Variants in CTPS2 observed in about 807,000 individuals in gnomAD.
CTPS2 encodes CTP synthase II.
In CTPS2, 19 loss-of-function variants were observed where a neutral mutation model predicts 46.8. The ratio of observed to expected loss-of-function variants is 0.41; its 90% CI spans 0.28 to 0.60. The LOEUF (loss-of-function observed/expected upper bound fraction) is 0.60. CTPS2 is among the 20% of genes least tolerant of loss of function. CTPS2 has a pLI of 0.35. For synonymous variants in CTPS2, 151 were observed against 165.2 expected, an observed-to-expected ratio of 0.91 and a Z score of 0.66; for missense variants, 286 against 447.6, an observed-to-expected ratio of 0.64 and a Z score of 3.26.
At chrX:16,593,371 A>G (rs764781381) in intron 17 of CTPS2, among the ~76,000 whole-genome samples, 83 of 103,559 alleles carry the variant, frequency 8.0e-4, no homozygotes, top group African/African-American at 2.5e-3. Context: ...GGAGCTTGCA[A>G]CGAGCCAAGA....
chrX:16,653,919 T>C (rs1932760774), intron 13 of CTPS2, among the ~76,000 whole-genome samples: 1 of 110,934 alleles, frequency 9.0e-6, no homozygotes, highest in Non-Finnish European at 1.9e-5. Flanking sequence ...ATCTCCCTCA[T>C]AGGGTGGTCG....
chrX:16,650,700 C>T (rs1170975011), intron 13 of CTPS2, among the ~76,000 whole-genome samples: 1 of 108,878 alleles, frequency 9.2e-6, no homozygotes. Flanking sequence ...GAGACAGGGT[C>T]TCACCATGTT....
At chrX:16,679,123 C>T (rs1409181873) in intron 9 of CTPS2, among the ~76,000 whole-genome samples, 4 of 110,814 alleles carry the variant, frequency 3.6e-5, no homozygotes, top group African/African-American at 9.8e-5. Context: ...TTTGGGAGGC[C>T]GAGGTGGGCA....
At chrX:16,646,592 T>C (rs1932332551) in intron 13 of CTPS2, among the ~76,000 whole-genome samples, 1 of 112,434 alleles carries the variant, frequency 8.9e-6, no homozygotes, top group Admixed American at 9.4e-5. Flanking sequence ...CCAGGTCAGG[T>C]GACAAGCAAG....
At chrX:16,633,345 GC>G (rs1931584323) in intron 14 of CTPS2, among the ~76,000 whole-genome samples, 1 of 111,239 alleles carries the variant, frequency 9.0e-6, no homozygotes, top group Non-Finnish European at 1.9e-5. Flanking sequence ...CTATGGCCCA[GC>G]CCACAGTCAT....
At chrX:16,688,123 C>A (rs941317776) in intron 8 of CTPS2, among the ~76,000 whole-genome samples, 2 of 111,460 alleles carry the variant, frequency 1.8e-5, no homozygotes, top group Non-Finnish European at 3.8e-5. Context: ...CAGGGCCGGG[C>A]GCGGTGGCTC....
chrX:16,600,937 G>A (rs1929617890), intron 17 of CTPS2, among the ~76,000 whole-genome samples: 1 of 111,759 alleles, frequency 8.9e-6, no homozygotes, highest in Non-Finnish European at 1.9e-5. Context: ...CCTCACAGCG[G>A]CCCTAAGGAG....
intron 17 of CTPS2, among the ~76,000 whole-genome samples, chrX:16,593,469 A>G (rs1929050569): frequency 1.0e-5 from 1 of 96,151 alleles, no homozygotes; most frequent in Non-Finnish European, 2.0e-5. Flanking sequence ...CTAACAGGTG[A>G]AATTTTACTT....
chrX:16,639,485 G>T (rs1931936410), intron 13 of CTPS2, among the ~76,000 whole-genome samples: 1 of 110,566 alleles, frequency 9.0e-6, no homozygotes, highest in South Asian at 3.9e-4. Flanking sequence ...TGTATCAGGA[G>T]CATCTTGATG....
chrX:16,680,585 G>GA (rs1298751693), intron 9 of CTPS2, among the ~76,000 whole-genome samples: 157 of 98,378 alleles, frequency 1.6e-3, no homozygotes, highest in African/African-American at 5.3e-3. Flanking sequence ...GAAAAGAAAA[G>GA]AAAAAAAAAA....
At chrX:16,705,109 T>C (rs1291472563) in intron 1 of CTPS2, among the ~76,000 whole-genome samples, 1 of 108,025 alleles carries the variant, frequency 9.3e-6, no homozygotes, top group African/African-American at 3.4e-5. Context: ...CTCTGTACTT[T>C]CCACTGAGTT....
At chrX:16,593,871 G>A (rs180761989) in intron 17 of CTPS2, among the ~76,000 whole-genome samples, 22 of 109,745 alleles carry the variant, frequency 2.0e-4, no homozygotes, top group Admixed American at 2.0e-3. Context: ...AGGAATAACT[G>A]AAGAATATTT....
chrX:16,710,157 A>G (rs957799019), intron 1 of CTPS2, among the ~76,000 whole-genome samples: 1 of 111,586 alleles, frequency 9.0e-6, no homozygotes, highest in Non-Finnish European at 1.9e-5. Flanking sequence ...ACAGCTGGCC[A>G]TAAAGAAATT....
intron 14 of CTPS2, among the ~76,000 whole-genome samples, chrX:16,623,786 T>C (rs1930963847): frequency 1.2e-5 from 1 of 80,461 alleles, no homozygotes; most frequent in Admixed American, 1.6e-4. Context: ...AGTCATCCCC[T>C]CAATTCTTTT....
chrX:16,654,759 G>A (rs1232889860), intron 13 of CTPS2: 1 of 140,587 alleles, frequency 7.1e-6, no homozygotes, highest in African/African-American at 3.2e-5. Flanking sequence ...TTAAAAAAGA[G>A]AGAGAGAGAG....
intron 17 of CTPS2, among the ~76,000 whole-genome samples, chrX:16,594,029 T>C (rs73448219): frequency 0.025 from 2,840 of 111,539 alleles, 99 homozygotes; most frequent in African/African-American, 0.087. Context: ...GCACTCAACT[T>C]CCTATCTGAG....
intron 14 of CTPS2, among the ~76,000 whole-genome samples, chrX:16,636,687 G>A (rs1359202781): frequency 2.7e-5 from 3 of 111,850 alleles, no homozygotes; most frequent in Non-Finnish European, 5.6e-5. Flanking sequence ...CACTTTGGGA[G>A]GCCGAGGCGG....
Position 16,588,307 on chromosome X carries a change from C to T in CTPS2, c.*1510G>A. ...ATCAATTAATTATTCAGCATTCCCT[C>T]CCAAGATGGGACACTCTGCAATCTT... is the stretch of plus-strand genomic sequence containing the variant. On this transcript the variant is annotated 3_prime_UTR_variant, in exon 19 of 19. Coordinates refer to ENST00000359276, the MANE Select transcript of CTPS2 (RefSeq NM_175859.3). The T allele has an allele frequency of 8.8e-6, 1 of 113,890 alleles. No homozygotes were observed. 9.4% of individuals were successfully genotyped at this position (113,890 alleles called of 1,213,427 possible). A position where few individuals can be genotyped will look rare whatever the true frequency, so the allele number is the denominator to read the frequency against.
At chrX:16,696,482 T>C (rs1387234109) in intron 4 of CTPS2, among the ~76,000 whole-genome samples, 1 of 112,071 alleles carries the variant, frequency 8.9e-6, no homozygotes, top group East Asian at 2.8e-4. Context: ...TCAGGGCTAG[T>C]ACATATTAAG....
Sources: gnomAD v4.1 joint callset for allele counts (sites outside exome capture counted in the v4.1 genomes callset) on GRCh38, gnomAD v4.1.1 for gene constraint, MANE v1.5 for transcripts, NCBI Gene and HGNC (gene_info 2026-07-23, HGNC 2026-07-21) for gene names.